Variants in MRC2 observed in about 807,000 individuals in gnomAD.
MRC2 encodes the protein mannose receptor C-type 2.
In MRC2, 84 loss-of-function variants were observed where a neutral mutation model predicts 206.2. The ratio of observed to expected loss-of-function variants is 0.41; its 90% confidence interval spans 0.34 to 0.49. The LOEUF (loss-of-function observed/expected upper bound fraction) is 0.49. Among genes scored for constraint, MRC2 ranks in the 20% least tolerant of loss-of-function variants. The pLI is 0.31. For missense variants in MRC2, 1,676 were observed against 2,001.5 expected (o/e 0.84, Z 3.10); for synonymous variants, 798 against 800.0 (o/e 1.00, Z 0.04).
intron 1 of MRC2, among the ~76,000 whole-genome samples, chr17:62,655,873 AG>A (rs747928008): frequency 6.6e-6 from 1 of 152,128 alleles, no homozygotes; most frequent in Non-Finnish European, 1.5e-5. Context: ...TCATGAGTTC[AG>A]CCTCTCCAGC....
intron 13 of MRC2, 153 bp from the exon 14 acceptor site, chr17:62,679,647 G>A (rs1018807407): frequency 2.1e-5 from 13 of 628,064 alleles, no homozygotes; most frequent in Non-Finnish European, 3.6e-5. Context: ...TGACCTCAAC[G>A]CTGTATCGAT....
At chr17:62,646,021 C>CTTTT (rs1347844107) in intron 1 of MRC2, among the ~76,000 whole-genome samples, 1 of 127,322 alleles carries the variant, frequency 7.9e-6, no homozygotes, top group African/African-American at 3.3e-5. Context: ...CTGTCCTTTT[C>CTTTT]TATTTTTTTT....
At chr17:62,686,893 C>A (rs28521572) in intron 20 of MRC2, among the ~76,000 whole-genome samples, 4 of 152,206 alleles carry the variant, frequency 2.6e-5, no homozygotes, top group Non-Finnish European at 5.9e-5. Context: ...TCTGGGCTTA[C>A]AATTTTTTAC....
In MRC2 at chr17:62,680,584, G is replaced by T; in HGVS notation, c.2473+131G>T. ...GGTCGAGAGAAGGGGGACGGGGTTG[G>T]CTCGGACGGAGGCAGCCACAGCCCT... On this transcript the variant is annotated intron_variant, in intron 16 of 29. Coordinates refer to ENST00000303375, the MANE Select transcript of MRC2 (RefSeq NM_006039.5). This position sits in a 1 kb window ranked among gnomAD's most constrained non-coding sequence, Gnocchi z 4.8. 1 of 1,394,818 alleles carries T rather than the reference G, an allele frequency of 7.2e-7. No homozygotes were observed. The highest frequency in any genetic ancestry group is 1.3e-5 in the South Asian group (1 of 77,954). 86.4% of individuals were successfully genotyped at this position (1,394,818 alleles called of 1,614,324 possible).
At chr17:62,689,336 A>G (rs1340462566) in intron 23 of MRC2, 186 bp from the exon 24 acceptor site, 1 of 586,370 alleles carries the variant, frequency 1.7e-6, no homozygotes, top group Non-Finnish European at 3.0e-6. Flanking sequence ...CTCCCTGTCC[A>G]TTTGTTAGCA....
chr17:62,648,280 T>C (rs1197964897), intron 1 of MRC2, among the ~76,000 whole-genome samples: 1 of 152,224 alleles, frequency 6.6e-6, no homozygotes. Flanking sequence ...GGCACACGCC[T>C]GTAATCCCAG....
Position 62,636,844 on chromosome 17 carries a change from C to T in MRC2, c.118+8924C>T, listed in dbSNP as rs186415736. Among the ~76,000 whole-genome samples, 207 of 152,136 alleles carry T rather than the reference C, an allele frequency of 1.4e-3. 1 individual carries two copies. In the Middle Eastern group the frequency reaches 0.021, roughly 15 times the overall value. On this transcript the variant is annotated intron_variant, in intron 1 of 29. Coordinates refer to ENST00000303375, the MANE Select transcript of MRC2 (RefSeq NM_006039.5). Reference sequence around the variant, plus strand: ...CTGGCTTTGAACTTCTGGGCTCATGCGATTCTTCTGCCTTGGCCTCCCAAA... The same window carrying T: ...CTGGCTTTGAACTTCTGGGCTCATGTGATTCTTCTGCCTTGGCCTCCCAAA...
At position 62,664,522 on chromosome 17, in the gene MRC2, C is replaced by A; in HGVS notation, c.119-26C>A. ...GCCAACCAGGAGAGCCCCTGTGATG[C>A]CTTCGTGTCTTGCCTTCCCTTCCAG... On this transcript the variant is annotated intron_variant, in intron 1 of 29. Transcript: ENST00000303375. This position sits in a 1 kb window ranked among gnomAD's most constrained non-coding sequence, Gnocchi z 4.7. 1 of 1,584,802 alleles carries A rather than the reference C, an allele frequency of 6.3e-7. No homozygotes were observed. The highest frequency in any genetic ancestry group is 1.2e-5 in the South Asian group (1 of 85,112).
chr17:62,681,990 C>T, intron 19 of MRC2, 53 bp downstream of exon 19: 6 of 1,424,750 alleles, frequency 4.2e-6, no homozygotes, highest in Admixed American at 2.0e-5. Context: ...AGGGTTAATG[C>T]TGGGCGAGCC....
At position 62,681,853 on chromosome 17, in the gene MRC2, A is replaced by G; in HGVS notation, c.2719A>G (p.Ile907Val). Residue 907 changes from isoleucine (I) to valine (V), a missense_variant, in exon 19 of 30, where the codon ATT becomes GTT. Transcript: ENST00000303375. ...CCATTGCAGATGGACAGATGGTTCC[A>G]TTATAAACTTCATCTCCTGGGCACC... Reference protein sequence around the residue: ...DGRFRWTDGSIINFISWAPGK... With the variant: ...DGRFRWTDGSVINFISWAPGK... 6.2e-7 allele frequency: 1 copy of G among 1,613,684 alleles called. No individual in the cohort carries two copies. Among genetic ancestry groups the G allele is most frequent in the Non-Finnish European group, 8.5e-7 (1 of 1,179,878 alleles).
chr17:62,636,088 A>ATT (rs1210168049), intron 1 of MRC2, among the ~76,000 whole-genome samples: 1 of 144,414 alleles, frequency 6.9e-6, no homozygotes, highest in Admixed American at 6.9e-5. Context: ...CGCCCGGCCA[A>ATT]TTTTTTTTTT....
At chr17:62,628,450 C>T (rs2084188595) in intron 1 of MRC2, among the ~76,000 whole-genome samples, 1 of 152,086 alleles carries the variant, frequency 6.6e-6, no homozygotes, top group Non-Finnish European at 1.5e-5. Context: ...TTTTCTTTTC[C>T]ACACTTAGTC....
chr17:62,673,912 G>A (rs939669774), intron 8 of MRC2, 151 bp from the exon 9 acceptor site: 7 of 646,852 alleles, frequency 1.1e-5, no homozygotes, highest in South Asian at 1.9e-5. Flanking sequence ...GGTTCATCCC[G>A]CCTTCCCCAT....
chr17:62,630,192 C>T (rs1274210647), intron 1 of MRC2, among the ~76,000 whole-genome samples: 1 of 152,196 alleles, frequency 6.6e-6, no homozygotes. Flanking sequence ...AAACGTGGAA[C>T]AGTGAACTGC....
rs188422726 is a variant in MRC2 at position 62,667,157 on chromosome 17, G to A, written c.974-233G>A. On this transcript the variant is annotated intron_variant, in intron 5 of 29. Transcript: ENST00000303375. This position sits in a 1 kb window ranked among gnomAD's most constrained non-coding sequence, Gnocchi z 4.1. ...ACCCAGCAGCCTGGACGGGGAGGCC[G>A]GGGCGGGGCTGGTACTGGTTACTGG... is the stretch of plus-strand genomic sequence containing the variant. 7.3e-4 allele frequency among the ~76,000 whole-genome samples: 111 copies of A among 152,298 alleles called. No individual in the cohort carries two copies. The highest frequency in any genetic ancestry group is 2.6e-3 in the African/African-American group (108 of 41,566).
intron 6 of MRC2, among the ~76,000 whole-genome samples, chr17:62,668,356 C>CAAAAAAA (rs10631546): frequency 2.4e-4 from 29 of 122,868 alleles, no homozygotes; most frequent in African/African-American, 6.7e-4. Context: ...GACCCTGCCT[C>CAAAAAAA]AAAAAATAAA....
At chr17:62,636,415 A>G (rs1568047913) in intron 1 of MRC2, among the ~76,000 whole-genome samples, 1 of 151,140 alleles carries the variant, frequency 6.6e-6, no homozygotes, top group Non-Finnish European at 1.5e-5. Context: ...TTCCCAACCA[A>G]GATTCCCCAA....
At chr17:62,651,146 C>A (rs1003574156) in intron 1 of MRC2, among the ~76,000 whole-genome samples, 2 of 150,900 alleles carry the variant, frequency 1.3e-5, no homozygotes, top group African/African-American at 4.9e-5. Flanking sequence ...TGCAGTAGTG[C>A]GATCTCGGCT....
In MRC2 at chr17:62,632,859, C is replaced by T. The variant is rs576181438; in HGVS notation, c.118+4939C>T. 3.2e-3 allele frequency among the ~76,000 whole-genome samples: 493 copies of T among 152,314 alleles called. 2 individuals carry two copies. The highest frequency in any genetic ancestry group is 6.8e-3 in the Middle Eastern group (2 of 294). ...CTATAGCCAGCCTTCCTCAGCCTTC[C>T]CCAGCCTTCCCTGAAGGCAGCCGGG... On this transcript the variant is annotated intron_variant, in intron 1 of 29. Coordinates refer to ENST00000303375, the MANE Select transcript of MRC2 (RefSeq NM_006039.5).
Sources: allele counts gnomAD v4.1 joint callset (sites outside exome capture counted in the v4.1 genomes callset), GRCh38; gene constraint gnomAD v4.1.1; non-coding constraint Gnocchi (gnomAD v3.1); transcripts MANE v1.5; gene names NCBI Gene and HGNC (gene_info 2026-07-23, HGNC 2026-07-21).